Variants in DPP10 observed in about 807,000 individuals in gnomAD.
DPP10 encodes inactive dipeptidyl peptidase 10.
Under a neutral mutation model 120.9 loss-of-function variants are expected in DPP10, and 33 were observed. The ratio of observed to expected loss-of-function variants is 0.27; its 90% confidence interval spans 0.21 to 0.37. The LOEUF is 0.37. DPP10 is among the 10% of genes least tolerant of loss of function. The pLI, the probability that DPP10 is intolerant of heterozygous loss-of-function variation, is 1.00. For missense variants in DPP10, 816 were observed against 942.8 expected (o/e 0.87, Z 1.76); for synonymous variants, 337 against 326.1 (o/e 1.03, Z -0.36).
At chr2:115,556,849 A>T (rs2080248194) in intron 5 of DPP10, among the ~76,000 whole-genome samples, 1 of 152,156 alleles carries the variant, frequency 6.6e-6, no homozygotes. Context: ...TTACAACTTT[A>T]TACACCATAG....
intron 1 of DPP10, among the ~76,000 whole-genome samples, chr2:115,307,522 C>T (rs1166438303): frequency 6.6e-6 from 1 of 152,098 alleles, no homozygotes; most frequent in Non-Finnish European, 1.5e-5. Context: ...TGGTTCTTGG[C>T]CCAGATACCC....
chr2:115,095,979 GTTAC>G lies in DPP10; in HGVS notation c.61-213256_61-213253del, dbSNP rs929433944. On this transcript the variant is annotated intron_variant, in intron 1 of 25. Coordinates refer to ENST00000410059, the MANE Select transcript of DPP10 (RefSeq NM_020868.6). ...TTCTTCATGGGTAGGGTGAAGATGTGTTACTTAATGTTTGCCAATGTCTTATCTA... is the reference window on the plus strand; with the variant it reads ...TTCTTCATGGGTAGGGTGAAGATGTGTTAATGTTTGCCAATGTCTTATCTA... Among the ~76,000 whole-genome samples, 40 of 152,238 alleles carry G rather than the reference GTTAC, an allele frequency of 2.6e-4. 3 individuals are homozygous for G. Among genetic ancestry groups the G allele is most frequent in the African/African-American group, 9.1e-4 (38 of 41,564 alleles).
chr2:115,062,128 CTGTGTGTGTGTGTG>C lies in DPP10; in HGVS notation c.61-247083_61-247070del, dbSNP rs61413782. ...GTATTGTTGTTTTAAGATTACAGTT[CTGTGTGTGTGTGTG>C]TGTGTGTGTGTGTGTGTGTGTGTGT... On this transcript the variant is annotated intron_variant, in intron 1 of 25. Transcript: ENST00000410059. Among the ~76,000 whole-genome samples the C allele has an allele frequency of 3.1e-3, 445 of 143,950 alleles. 4 individuals are homozygous for C. The East Asian group carries it at 0.036, about 12-fold the overall frequency. The allele number at this position is 143,950 out of a possible 152,430, so 94.4% of individuals were successfully genotyped here.
intron 5 of DPP10, among the ~76,000 whole-genome samples, chr2:115,620,373 G>C (rs901193796): frequency 4.6e-5 from 7 of 152,178 alleles, no homozygotes; most frequent in African/African-American, 1.7e-4. Flanking sequence ...TTTCCTCACT[G>C]CAAGTGTGGA....
intron 1 of DPP10, among the ~76,000 whole-genome samples, chr2:114,511,097 A>G (rs1367001114): frequency 1.3e-5 from 2 of 152,214 alleles, no homozygotes; most frequent in Non-Finnish European, 2.9e-5. Context: ...TAACAATTCA[A>G]TCTTATACCA....
chr2:115,777,196 A>G lies in DPP10; in HGVS notation c.1222-12A>G, dbSNP rs774890118. The G allele has an allele frequency of 7.5e-6, 12 of 1,610,622 alleles. No homozygotes were observed. The African/African-American group carries it at 1.1e-4, about 14-fold the overall frequency. ...AATGAAAGGAAAATCAATATTTTCT[A>G]TTTCTTTGCAGAGTAAAAGTGAGCA... is the stretch of plus-strand genomic sequence containing the variant. On this transcript the variant is annotated splice_polypyrimidine_tract_variant and intron_variant, in intron 13 of 25. Coordinates refer to ENST00000410059, the MANE Select transcript of DPP10 (RefSeq NM_020868.6).
chr2:115,752,834 A>C (rs1678921024), intron 10 of DPP10, among the ~76,000 whole-genome samples: 1 of 152,082 alleles, frequency 6.6e-6, no homozygotes, highest in South Asian at 2.1e-4. Context: ...TCAATAGAAA[A>C]TTTTCATAAA....
chr2:115,356,524 T>C (rs1318521846), intron 3 of DPP10, among the ~76,000 whole-genome samples: 1 of 152,142 alleles, frequency 6.6e-6, no homozygotes, highest in Non-Finnish European at 1.5e-5. Flanking sequence ...ACTTCCTCTC[T>C]TCCTATTTGA....
At chr2:115,745,053 T>C (rs2149712190) in intron 9 of DPP10, among the ~76,000 whole-genome samples, 1 of 150,540 alleles carries the variant, frequency 6.6e-6, no homozygotes, top group Non-Finnish European at 1.5e-5. Context: ...GGGTTATTCA[T>C]TTATTCATTC....
At chr2:114,929,747 C>A (rs1228558153) in intron 1 of DPP10, among the ~76,000 whole-genome samples, 2 of 152,152 alleles carry the variant, frequency 1.3e-5, no homozygotes, top group African/African-American at 4.8e-5. Flanking sequence ...CATACATCTT[C>A]AGCTTACGAA....
chr2:115,605,419 A>G lies in DPP10; in HGVS notation c.441+79447A>G, dbSNP rs149872330. ...TTTTAATTTATTACCTGCTTTTGGT[A>G]TATATTTCCCCAGTTTTGTATGATT... On this transcript the variant is annotated intron_variant, in intron 5 of 25. Coordinates refer to ENST00000410059, the MANE Select transcript of DPP10 (RefSeq NM_020868.6). Among the ~76,000 whole-genome samples the G allele has an allele frequency of 5.6e-4, 86 of 152,214 alleles. 1 individual carries two copies. The highest frequency in any genetic ancestry group is 2.0e-3 in the African/African-American group (84 of 41,560).
At chr2:114,456,843 G>C (rs1189125467) in intron 1 of DPP10, among the ~76,000 whole-genome samples, 1 of 152,210 alleles carries the variant, frequency 6.6e-6, no homozygotes, top group Non-Finnish European at 1.5e-5. Context: ...TATGAAGCCA[G>C]CATAAAGTGG....
intron 1 of DPP10, among the ~76,000 whole-genome samples, chr2:114,720,616 A>G (rs1439143864): frequency 1.3e-5 from 2 of 152,228 alleles, no homozygotes; most frequent in Non-Finnish European, 2.9e-5. Flanking sequence ...ATGCTCAGAG[A>G]ACATGAGCCT....
At chr2:114,928,143 C>T (rs1170304108) in intron 1 of DPP10, among the ~76,000 whole-genome samples, 1 of 152,192 alleles carries the variant, frequency 6.6e-6, no homozygotes, top group African/African-American at 2.4e-5. Context: ...ATGTCCTTCT[C>T]ACTTTGCAAG....
chr2:115,218,414 C>T (rs1330688717), intron 1 of DPP10, among the ~76,000 whole-genome samples: 1 of 152,044 alleles, frequency 6.6e-6, no homozygotes, highest in African/African-American at 2.4e-5. Context: ...ATCTTTATTT[C>T]CTTACTCCTA....
chr2:115,207,012 G>A (rs1424527157), intron 1 of DPP10, among the ~76,000 whole-genome samples: 1 of 152,070 alleles, frequency 6.6e-6, no homozygotes, highest in Non-Finnish European at 1.5e-5. Context: ...CAAGTGTTTC[G>A]TTGACTGTTC....
intron 1 of DPP10, among the ~76,000 whole-genome samples, chr2:114,454,568 G>A (rs1678461375): frequency 6.6e-6 from 1 of 152,156 alleles, no homozygotes; most frequent in South Asian, 2.1e-4. Context: ...AAGGTCCCCT[G>A]CTATTTTAAG....
rs543211385 is a variant in DPP10, at chr2:115,015,706, T to C, written c.61-293533T>C. 9.9e-4 allele frequency among the ~76,000 whole-genome samples: 150 copies of C among 151,972 alleles called. 2 individuals carry two copies. The highest frequency in any genetic ancestry group is 3.5e-3 in the African/African-American group (144 of 41,474). ...CACAAACAATCCTATACACCAATAA[T>C]AGACATACAGAGAGCCATATCACGA... On this transcript the variant is annotated intron_variant, in intron 1 of 25. Coordinates refer to ENST00000410059, the MANE Select transcript of DPP10 (RefSeq NM_020868.6).
intron 1 of DPP10, among the ~76,000 whole-genome samples, chr2:115,145,952 C>T (rs1285489446): frequency 1.3e-5 from 2 of 152,084 alleles, no homozygotes; most frequent in East Asian, 3.8e-4. Context: ...CCACTGCTGC[C>T]ATTACTTGCA....
Sources: gnomAD v4.1 joint callset for allele counts (sites outside exome capture counted in the v4.1 genomes callset) on GRCh38, gnomAD v4.1.1 for gene constraint, MANE v1.5 for transcripts, NCBI Gene and HGNC (gene_info 2026-07-23, HGNC 2026-07-21) for gene names.